CAMK1G: variants seen among roughly 807,000 people sequenced by gnomAD.
CAMK1G encodes the protein calcium/calmodulin dependent protein kinase IG, also known as calcium/calmodulin-dependent protein kinase type 1G.
CAMK1G carries 27 observed loss-of-function variants against 54.8 expected under a neutral mutation model. The ratio of observed to expected loss-of-function variants is 0.49; its 90% CI spans 0.36 to 0.68. The LOEUF (loss-of-function observed/expected upper bound fraction) is 0.68. CAMK1G is among the 30% of genes least tolerant of loss of function. The probability of loss-of-function intolerance (pLI) is 0.00; values close to 1 mark genes in which losing one functional copy is unlikely to be tolerated. For missense variants in CAMK1G, 512 were observed against 591.0 expected, an observed-to-expected ratio of 0.87 and a Z score of 1.39; for synonymous variants, 238 against 224.9, an observed-to-expected ratio of 1.06 and a Z score of -0.52.
chr1:209,586,684 AT>A lies in CAMK1G; in HGVS notation c.-30+2914del, dbSNP rs768882246. 2.4e-4 allele frequency among the ~76,000 whole-genome samples: 37 copies of A among 152,294 alleles called. 1 individual carries two copies. Among genetic ancestry groups the A allele is most frequent in the Non-Finnish European group, 4.6e-4 (31 of 68,000 alleles). On this transcript the variant is annotated intron_variant, in intron 1 of 12. Coordinates refer to ENST00000361322, the MANE Select transcript of CAMK1G (RefSeq NM_020439.3). ...AAACTGCTTTTGTGCCCATTGAAGC[AT>A]TAGCCCTCCAAAGGAATGCTGAGAA...
At chr1:209,606,471 A>G (rs1203411733) in intron 6 of CAMK1G, 28 bp downstream of exon 6, 2 of 1,609,876 alleles carry the variant, frequency 1.2e-6, no homozygotes, top group Non-Finnish European at 8.5e-7. Context: ...AGGAAGGTTG[A>G]CCAGTTGGCT....
rs1206088954 is a variant in CAMK1G at position 209,611,996 on chromosome 1, C to T, written c.1120C>T (p.Pro374Ser). ...SVALPALTQL[P>S]CQHGRRPTAP... ...AGCACTCCCTGCCCTGACCCAATTA[C>T]CCTGCCAGCATGGCCGCCGGCCCAC... is the stretch of plus-strand genomic sequence containing the variant. Residue 374 changes from proline to serine, a missense_variant, in exon 11 of 13, where the codon CCC becomes TCC. Around this residue, in one of 3 missense-constraint regions of CAMK1G, gnomAD observed 315 missense variants for 330.5 expected, o/e 0.95. Transcript: ENST00000361322. 1.2e-6 allele frequency: 2 copies of T among 1,614,284 alleles called. No individual in the cohort carries two copies. The highest frequency in any genetic ancestry group is 8.5e-7 in the Non-Finnish European group (1 of 1,180,058).
In CAMK1G at chr1:209,601,540, G is replaced by C. The variant is rs56823564; in HGVS notation, c.221+1429G>C. Reference sequence around the variant, plus strand: ...GCTGGAGACACAGGTCTAGGATCCAGGGATATTAGGGCAAAGAAAGACTCT... The same window carrying C: ...GCTGGAGACACAGGTCTAGGATCCACGGATATTAGGGCAAAGAAAGACTCT... On this transcript the variant is annotated intron_variant, in intron 3 of 12. Coordinates refer to ENST00000361322, the MANE Select transcript of CAMK1G (RefSeq NM_020439.3). Among the ~76,000 whole-genome samples, 490 of 152,288 alleles carry C rather than the reference G, an allele frequency of 3.2e-3. 11 individuals carry two copies. In the East Asian group the frequency reaches 0.053, roughly 16 times the overall value.
At chr1:209,596,601 A>C (rs139493175) in intron 2 of CAMK1G, among the ~76,000 whole-genome samples, 1 of 152,062 alleles carries the variant, frequency 6.6e-6, no homozygotes, top group African/African-American at 2.4e-5. Context: ...TATACCCACC[A>C]TCTAAATTCA....
chr1:209,585,540 A>G, intron 1 of CAMK1G, among the ~76,000 whole-genome samples: 1 of 152,350 alleles, frequency 6.6e-6, no homozygotes, highest in East Asian at 1.9e-4. Context: ...TCTACTTATC[A>G]GTACCTCAGC....
At chr1:209,596,001 C>A (rs1443420739) in intron 2 of CAMK1G, among the ~76,000 whole-genome samples, 1 of 152,230 alleles carries the variant, frequency 6.6e-6, no homozygotes, top group African/African-American at 2.4e-5. Context: ...TTAGTCTAGG[C>A]TAATTGGGCC....
chr1:209,609,244 T>G (rs1403686513), intron 8 of CAMK1G, 152 bp downstream of exon 8: 2 of 876,008 alleles, frequency 2.3e-6, no homozygotes, highest in African/African-American at 3.4e-5. Context: ...AATCTTCGTC[T>G]GCTTCAAAGA....
chr1:209,610,242 G>A (rs1665749653), intron 9 of CAMK1G, among the ~76,000 whole-genome samples: 1 of 152,158 alleles, frequency 6.6e-6, no homozygotes, highest in Non-Finnish European at 1.5e-5. Context: ...GCCAGGAATG[G>A]GCAACTCTGT....
intron 1 of CAMK1G, among the ~76,000 whole-genome samples, chr1:209,590,644 G>A (rs2102381618): frequency 6.6e-6 from 1 of 152,274 alleles, no homozygotes; most frequent in South Asian, 2.1e-4. Context: ...GGGAGTGATG[G>A]ACGCCTGGCT....
chr1:209,603,272 T>C lies in CAMK1G; in HGVS notation c.280T>C (p.Tyr94His), dbSNP rs758533189. The C allele has an allele frequency of 8.1e-6, 13 of 1,613,826 alleles. No individual in the cohort carries two copies. Among genetic ancestry groups the C allele is most frequent in the Non-Finnish European group, 1.1e-5 (13 of 1,179,812 alleles). Reference sequence around the variant, plus strand: ...CATCTATGAGAGCACCACCCACTACTACCTGGTCATGCAGCTGTAAGTAAA... The same window carrying C: ...CATCTATGAGAGCACCACCCACTACCACCTGGTCATGCAGCTGTAAGTAAA... ...EDIYESTTHY[Y>H]LVMQLVSGGE... Residue 94 changes from tyrosine (Y) to histidine (H), a missense_variant, in exon 4 of 13, where the codon TAC (tyrosine) becomes CAC (histidine). Tyr to His is a moderately conservative substitution (Grantham distance 83, BLOSUM62 2). This residue lies in a region of CAMK1G where 186 missense variants were observed against 231.5 expected (regional missense o/e 0.80). Transcript: ENST00000361322.
Position 209,605,572 on chromosome 1 carries a change from G to A in CAMK1G, c.333G>A (p.Glu111=). The A allele has an allele frequency of 1.2e-6, 2 of 1,614,122 alleles. No individual in the cohort carries two copies. The highest frequency in any genetic ancestry group is 1.1e-5 in the South Asian group (1 of 91,080). Reference sequence around the variant, plus strand: ...GGGAGCTCTTTGACCGGATCCTGGAGCGGGGTGTCTACACAGAGAAGGATG... The same window carrying A: ...GGGAGCTCTTTGACCGGATCCTGGAACGGGGTGTCTACACAGAGAAGGATG... ...SGGELFDRIL[E]RGVYTEKDAS... is the part of the protein sequence containing the mutation. The change falls in exon 5 of 13, where the codon GAG becomes GAA. Residue 111 remains glutamate, a synonymous_variant. Transcript: ENST00000361322.
chr1:209,594,337 C>T lies in CAMK1G; in HGVS notation c.-29-618C>T, dbSNP rs143440259. Among the ~76,000 whole-genome samples, 230 of 152,312 alleles carry T rather than the reference C, an allele frequency of 1.5e-3. 1 individual carries two copies. The highest frequency in any genetic ancestry group is 4.7e-3 in the African/African-American group (195 of 41,570). On this transcript the variant is annotated intron_variant, in intron 1 of 12. Transcript: ENST00000361322. ...TCAGTACCCATCGGCACCTTGCACACGGTAGGTGCTAAATACATATTGGTT... is the reference window on the plus strand; with the variant it reads ...TCAGTACCCATCGGCACCTTGCACATGGTAGGTGCTAAATACATATTGGTT...
chr1:209,605,674 G>C lies in CAMK1G; in HGVS notation c.435G>C (p.Lys145Asn). Reference sequence around the variant, plus strand: ...ATGGCATCGTCCACAGAGACTTAAAGGTGTCAAGGCGGGAGTCCTGGGTGG... The same window carrying C: ...ATGGCATCGTCCACAGAGACTTAAACGTGTCAAGGCGGGAGTCCTGGGTGG... ...HENGIVHRDL[K>N]PENLLYLTPE... Residue 145 changes from lysine to asparagine, a missense_variant and splice_region_variant, in exon 5 of 13, where the codon AAG (lysine) becomes AAC (asparagine). Lys to Asn is a moderately conservative substitution (Grantham distance 94, BLOSUM62 0). This residue lies in a region of CAMK1G where 186 missense variants were observed against 231.5 expected (regional missense o/e 0.80). Coordinates refer to ENST00000361322, the MANE Select transcript of CAMK1G (RefSeq NM_020439.3). 8.7e-6 allele frequency: 14 copies of C among 1,613,010 alleles called. No individual in the cohort carries two copies. The highest frequency in any genetic ancestry group is 1.2e-5 in the Non-Finnish European group (14 of 1,179,726).
chr1:209,605,469 G>A, intron 4 of CAMK1G, 67 bp from the exon 5 acceptor site: 1 of 1,569,492 alleles, frequency 6.4e-7, no homozygotes, highest in Non-Finnish European at 8.7e-7. Flanking sequence ...AGGCTTCAAA[G>A]CAAACACCTT....
rs1364177577 is a variant in CAMK1G at position 209,612,082 on chromosome 1, C to G, written c.1206C>G (p.Ser402Arg). 6.2e-7 allele frequency: 1 copy of G among 1,614,090 alleles called. No individual in the cohort carries two copies. The highest frequency in any genetic ancestry group is 1.3e-5 in the African/African-American group (1 of 74,958). ...ATGGCTCCCTCCACATCAGCAGCAG[C>G]CTGGTGCCCATGCATCAGGGGTCCC... ...LVNGSLHISSSLVPMHQGSLA... is the reference protein window; with the variant it reads ...LVNGSLHISSRLVPMHQGSLA... Residue 402 changes from serine (S) to arginine (R), a missense_variant, in exon 11 of 13, where the codon AGC becomes AGG. Ser to Arg is a moderately radical substitution (Grantham distance 110). Coordinates refer to ENST00000361322, the MANE Select transcript of CAMK1G (RefSeq NM_020439.3).
intron 3 of CAMK1G, among the ~76,000 whole-genome samples, chr1:209,602,134 G>T (rs1011097211): frequency 1.3e-5 from 2 of 152,238 alleles, no homozygotes; most frequent in East Asian, 3.9e-4. Context: ...TGTAGGGCTG[G>T]ACTTCTCCAC....
rs373059526 is a variant in CAMK1G at position 209,603,351 on chromosome 1, G to T, written c.296+63G>T. 5.2e-6 allele frequency: 7 copies of T among 1,356,286 alleles called. No homozygotes were observed. In the Admixed American group the frequency reaches 7.2e-5, roughly 14 times the overall value. 84.0% of individuals were successfully genotyped at this position (1,356,286 alleles called of 1,614,324 possible). On this transcript the variant is annotated intron_variant, in intron 4 of 12. Transcript: ENST00000361322. ...GGTGGGGCCTGGGAGGCCTACAGGAGGTTGGTCGCTGGTGAGGGATGGACA... is the reference window on the plus strand; with the variant it reads ...GGTGGGGCCTGGGAGGCCTACAGGATGTTGGTCGCTGGTGAGGGATGGACA...
chr1:209,592,868 C>G (rs1665292450), intron 1 of CAMK1G, among the ~76,000 whole-genome samples: 1 of 152,182 alleles, frequency 6.6e-6, no homozygotes, highest in Non-Finnish European at 1.5e-5. Flanking sequence ...GAGGTTCCCT[C>G]TATTCCATGA....
intron 3 of CAMK1G, among the ~76,000 whole-genome samples, chr1:209,602,950 C>G (rs1665564505): frequency 6.6e-6 from 1 of 152,176 alleles, no homozygotes; most frequent in Non-Finnish European, 1.5e-5. Context: ...TAAAGAGATT[C>G]CTGGCATAAC....
Sources: allele counts gnomAD v4.1 joint callset (sites outside exome capture counted in the v4.1 genomes callset), GRCh38; gene constraint gnomAD v4.1.1; regional missense constraint gnomAD v4.1.1; transcripts MANE v1.5; gene names NCBI Gene and HGNC (gene_info 2026-07-23, HGNC 2026-07-21).